The following SDK1 variants were observed in gnomAD, a reference collection of about 807,000 sequenced individuals.
SDK1 encodes protein sidekick-1.
Under a neutral mutation model 245.5 loss-of-function variants are expected in SDK1, and 157 were observed. The observed-to-expected ratio is 0.64, with a 90% CI of 0.56 to 0.73. The LOEUF is 0.73. Among genes scored for constraint, SDK1 ranks in the 30% least tolerant of loss-of-function variants. The probability of loss-of-function intolerance (pLI) is 0.00; values close to 1 mark genes in which losing one functional copy is unlikely to be tolerated. For missense variants in SDK1, 3,583 were observed against 3,002.3 expected, an observed-to-expected ratio of 1.19 and a Z score of -4.52; for synonymous variants, 1,647 against 1,278.5, an observed-to-expected ratio of 1.29 and a Z score of -6.15.
Position 4,217,479 on chromosome 7 carries a change from G to C in SDK1, c.5540-2630G>C, listed in dbSNP as rs878941342. On this transcript the variant is annotated intron_variant, in intron 38 of 44. Coordinates refer to ENST00000404826, the MANE Select transcript of SDK1 (RefSeq NM_152744.4). ...GAGCACCACACCACCCGGAGCACCA[G>C]GCCACCCGGAGCACCACACCACCCG... Among the ~76,000 whole-genome samples, 9 of 68,832 alleles carry C rather than the reference G, an allele frequency of 1.3e-4. No homozygotes were observed. In the South Asian group the frequency reaches 1.9e-3, roughly 15 times the overall value. 45.2% of individuals were successfully genotyped at this position (68,832 alleles called of 152,430 possible). A position where few individuals can be genotyped will look rare whatever the true frequency, so the allele number is the denominator to read the frequency against.
At chr7:4,093,179 C>G (rs1293720442) in intron 22 of SDK1, among the ~76,000 whole-genome samples, 2 of 151,906 alleles carry the variant, frequency 1.3e-5, no homozygotes, top group Non-Finnish European at 2.9e-5. Context: ...AATTAGTAAC[C>G]TTTGACTGTA....
At position 4,132,348 on chromosome 7, in the gene SDK1, G is replaced by C. The variant is rs768369872; in HGVS notation, c.4153G>C (p.Val1385Leu). The C allele has an allele frequency of 2.5e-6, 4 of 1,612,218 alleles. No homozygotes were observed. The highest frequency in any genetic ancestry group is 3.4e-6 in the Non-Finnish European group (4 of 1,178,784). The change falls in exon 28 of 45, where the codon GTG (valine) becomes CTG (leucine). Residue 1385 changes from valine (V) to leucine (L), a missense_variant. Val to Leu is a conservative substitution (Grantham distance 32). Transcript: ENST00000404826. Reference sequence around the variant, plus strand: ...AGCCCCAGGCCCACCAGTGAGGCTCGTGTTCCCCGAAGTGAGACTCACCTC... The same window carrying C: ...AGCCCCAGGCCCACCAGTGAGGCTCCTGTTCCCCGAAGTGAGACTCACCTC... ...DDAPGPPVRLVFPEVRLTSVR... is the reference protein window; with the variant it reads ...DDAPGPPVRLLFPEVRLTSVR...
chr7:3,632,186 C>T (rs1000878632), intron 2 of SDK1, among the ~76,000 whole-genome samples: 1 of 152,150 alleles, frequency 6.6e-6, no homozygotes, highest in African/African-American at 2.4e-5. Context: ...TTAATGCTCA[C>T]AGTAGATTTG....
chr7:4,043,300 G>C (rs1788776624), intron 17 of SDK1, among the ~76,000 whole-genome samples: 2 of 140,012 alleles, frequency 1.4e-5, no homozygotes, highest in African/African-American at 6.0e-5. Context: ...ACAGCCAGGG[G>C]CCCAGGTAGA....
At chr7:4,238,946 C>G (rs1786357486) in intron 42 of SDK1, among the ~76,000 whole-genome samples, 1 of 152,146 alleles carries the variant, frequency 6.6e-6, no homozygotes, top group Admixed American at 6.6e-5. Context: ...GGGCACTGCT[C>G]AGACGTTGAT....
chr7:3,901,059 C>A (rs967147137), intron 5 of SDK1, among the ~76,000 whole-genome samples: 1 of 152,158 alleles, frequency 6.6e-6, no homozygotes, highest in African/African-American at 2.4e-5. Context: ...CGTTCCCTGG[C>A]CTTTCATTTT....
chr7:3,862,900 G>C (rs527319297), intron 5 of SDK1, among the ~76,000 whole-genome samples: 4 of 152,160 alleles, frequency 2.6e-5, no homozygotes, highest in Admixed American at 2.0e-4. Flanking sequence ...ATGGATCCCT[G>C]GCATGCACAG....
At chr7:3,829,290 A>G (rs1343924541) in intron 5 of SDK1, among the ~76,000 whole-genome samples, 1 of 152,200 alleles carries the variant, frequency 6.6e-6, no homozygotes, top group Admixed American at 6.5e-5. Context: ...AACTGTTTGA[A>G]GCTATATGCA....
intron 4 of SDK1, among the ~76,000 whole-genome samples, chr7:3,695,198 G>A (rs746045503): frequency 7.9e-5 from 12 of 152,078 alleles, no homozygotes; most frequent in Admixed American, 1.3e-4. Flanking sequence ...TACACTAGGC[G>A]CCTCACACAG....
intron 4 of SDK1, among the ~76,000 whole-genome samples, chr7:3,814,150 C>T (rs1373112765): frequency 1.3e-5 from 2 of 148,412 alleles, no homozygotes; most frequent in East Asian, 1.9e-4. Flanking sequence ...GCTTTTGTTG[C>T]CATTGCTTTT....
In SDK1 at chr7:3,582,460, G is replaced by A. The variant is rs141378100; in HGVS notation, c.299-36620G>A. 2.0e-3 allele frequency among the ~76,000 whole-genome samples: 289 copies of A among 147,608 alleles called. 2 individuals carry two copies. Among genetic ancestry groups the A allele is most frequent in the African/African-American group, 6.7e-3 (273 of 40,828 alleles). On this transcript the variant is annotated intron_variant, in intron 1 of 44. Transcript: ENST00000404826. The stretch of plus-strand genomic sequence containing the variant: ...TCTGTCTCAGGTAGGTCTCCCTCAG[G>A]TAGGTCTGTCTCAGGTAGGTCTCCC...
At chr7:3,308,892 TAGAG>T (rs1009604161) in intron 1 of SDK1, among the ~76,000 whole-genome samples, 2 of 151,968 alleles carry the variant, frequency 1.3e-5, no homozygotes, top group Non-Finnish European at 2.9e-5. Context: ...GAGAAAAAAA[TAGAG>T]GGAGATAACC....
intron 1 of SDK1, among the ~76,000 whole-genome samples, chr7:3,525,754 T>A (rs1051431277): frequency 6.6e-5 from 10 of 152,172 alleles, no homozygotes; most frequent in African/African-American, 2.4e-4. Context: ...CCTGTCTCCA[T>A]TGTAAAATAT....
chr7:3,632,467 T>C (rs924347163), intron 2 of SDK1, among the ~76,000 whole-genome samples: 23 of 152,190 alleles, frequency 1.5e-4, no homozygotes, highest in African/African-American at 5.3e-4. Flanking sequence ...TAAAAAGTTA[T>C]CGAAGATTAA....
At chr7:3,479,124 T>G (rs2128601339) in intron 1 of SDK1, among the ~76,000 whole-genome samples, 1 of 152,188 alleles carries the variant, frequency 6.6e-6, no homozygotes, top group Non-Finnish European at 1.5e-5. Context: ...TGCATAAGCA[T>G]ATCTATTGTT....
At chr7:3,836,773 C>T (rs1027659543) in intron 5 of SDK1, among the ~76,000 whole-genome samples, 2 of 152,234 alleles carry the variant, frequency 1.3e-5, no homozygotes, top group African/African-American at 4.8e-5. Context: ...AGACCCTCCA[C>T]AGGAAAACTC....
At chr7:3,789,835 C>T (rs954147836) in intron 4 of SDK1, among the ~76,000 whole-genome samples, 4 of 150,234 alleles carry the variant, frequency 2.7e-5, no homozygotes, top group African/African-American at 7.4e-5. Flanking sequence ...ACCAGCGGAA[C>T]GGGGACTGTT....
chr7:3,793,713 G>T (rs1583419763), intron 4 of SDK1, among the ~76,000 whole-genome samples: 2 of 151,990 alleles, frequency 1.3e-5, no homozygotes, highest in African/African-American at 2.4e-5. Context: ...AAAGTTTAAA[G>T]TATAAATGCA....
chr7:3,597,966 C>T (rs1314536814), intron 1 of SDK1, among the ~76,000 whole-genome samples: 2 of 152,154 alleles, frequency 1.3e-5, no homozygotes, highest in African/African-American at 2.4e-5. Context: ...AGGCCTGGAA[C>T]TTCTGGATCA....
Sources: gnomAD v4.1 joint callset for allele counts (sites outside exome capture counted in the v4.1 genomes callset) on GRCh38, gnomAD v4.1.1 for gene constraint, MANE v1.5 for transcripts, NCBI Gene and HGNC (gene_info 2026-07-23, HGNC 2026-07-21) for gene names.